AQP3: variants seen among roughly 807,000 people sequenced by gnomAD.
AQP3 encodes aquaporin 3 (Gill blood group), also known as aquaporin-3.
AQP3 carries 15 observed loss-of-function variants against 30.3 expected under a neutral mutation model. That is an observed-to-expected ratio of 0.49 (90% CI 0.33 to 0.76). AQP3 has a LOEUF of 0.76. Ranked by LOEUF, AQP3 falls within the 30% of genes least tolerant of loss-of-function variation. The probability of loss-of-function intolerance (pLI) is 0.02; values close to 1 mark genes in which losing one functional copy is unlikely to be tolerated. For synonymous variants in AQP3, 153 were observed against 163.2 expected, an observed-to-expected ratio of 0.94 and a Z score of 0.47; for missense variants, 272 against 384.8, an observed-to-expected ratio of 0.71 and a Z score of 2.45.
intron 1 of AQP3, 72 bp downstream of exon 1, chr9:33,447,351 C>T: frequency 7.3e-7 from 1 of 1,364,924 alleles, no homozygotes; most frequent in Non-Finnish European, 1.0e-6. Flanking sequence ...AACACAGCCC[C>T]TTCGGGGAAG....
chr9:33,444,012 G>T, intron 1 of AQP3, 120 bp from the exon 2 acceptor site: 1 of 1,312,516 alleles, frequency 7.6e-7, no homozygotes, highest in Non-Finnish European at 1.0e-6. Context: ...GCGCTTCCTG[G>T]AACCCAGCCC....
At position 33,443,620 on chromosome 9, in the gene AQP3, G is replaced by T; in HGVS notation, c.235+146C>A. ...TCTGATTCCAAGGTGAGAGTCGAAA[G>T]TTCTAAGTGTCAAGTTTCTTCTCCA... On this transcript the variant is annotated intron_variant, in intron 2 of 5. Coordinates refer to ENST00000297991, the MANE Select transcript of AQP3 (RefSeq NM_004925.5). The surrounding 1 kb of genome is among the most constrained non-coding windows in gnomAD (Gnocchi z 5.0). 1.4e-6 allele frequency: 2 copies of T among 1,478,566 alleles called. No homozygotes were observed. The highest frequency in any genetic ancestry group is 1.9e-6 in the Non-Finnish European group (2 of 1,078,972). 91.6% of individuals were successfully genotyped at this position (1,478,566 alleles called of 1,614,324 possible). A position where few individuals can be genotyped will look rare whatever the true frequency, so the allele number is the denominator to read the frequency against.
intron 1 of AQP3, among the ~76,000 whole-genome samples, chr9:33,446,759 G>A (rs1449365018): frequency 1.3e-5 from 2 of 152,164 alleles, no homozygotes; most frequent in Non-Finnish European, 1.5e-5. Flanking sequence ...CATCTGTCTG[G>A]ATAACAGACA....
Position 33,447,497 on chromosome 9 carries a change from C to T in AQP3, c.34G>A (p.Gly12Arg), listed in dbSNP as rs773909054. 1 of 1,609,542 alleles carries T rather than the reference C, an allele frequency of 6.2e-7. No homozygotes were observed. The highest frequency in any genetic ancestry group is 2.2e-5 in the East Asian group (1 of 44,742). Residue 12 changes from glycine (G) to arginine (R), a missense_variant, in exon 1 of 6, where the codon GGG becomes AGG. Transcript: ENST00000297991. ...CGGTAGCGGATGTGGAGCATCTCCC[C>T]GCAGCGGGACACCAGCTCCTTCTGT... ...GRQKELVSRC[G>R]EMLHIRYRLL...
chr9:33,444,614 AAG>A (rs1205513398), intron 1 of AQP3, among the ~76,000 whole-genome samples: 130 of 151,572 alleles, frequency 8.6e-4, no homozygotes, highest in African/African-American at 3.0e-3. Flanking sequence ...AAAAAAAAAA[AAG>A]AGTTGAAAAG....
chr9:33,443,654 T>C lies in AQP3; in HGVS notation c.235+112A>G. 1 of 1,556,042 alleles carries C rather than the reference T, an allele frequency of 6.4e-7. No homozygotes were observed. Among genetic ancestry groups the C allele is most frequent in the Non-Finnish European group, 8.8e-7 (1 of 1,135,102 alleles). On this transcript the variant is annotated intron_variant, in intron 2 of 5. Transcript: ENST00000297991. The surrounding 1 kb of genome is among the most constrained non-coding windows in gnomAD (Gnocchi z 5.0). The stretch of plus-strand genomic sequence containing the variant: ...GTCAAGTTTCTTCTCCACCCTCCTT[T>C]CCCAAGGGGCCAAAGCAGAGGCCAC...
chr9:33,443,645 AC>A lies in AQP3; in HGVS notation c.235+120del. On this transcript the variant is annotated intron_variant, in intron 2 of 5. Transcript: ENST00000297991. This position sits in a 1 kb window ranked among gnomAD's most constrained non-coding sequence, Gnocchi z 5.0. ...GTTCTAAGTGTCAAGTTTCTTCTCCACCCTCCTTTCCCAAGGGGCCAAAGCA... is the reference window on the plus strand; with the variant it reads ...GTTCTAAGTGTCAAGTTTCTTCTCCACCTCCTTTCCCAAGGGGCCAAAGCA... 6.5e-7 allele frequency: 1 copy of A among 1,532,250 alleles called. No individual in the cohort carries two copies. Among genetic ancestry groups the A allele is most frequent in the East Asian group, 2.3e-5 (1 of 43,832 alleles). 94.9% of individuals were successfully genotyped at this position (1,532,250 alleles called of 1,614,324 possible).
chr9:33,442,813 C>T (rs777438913), intron 4 of AQP3, 39 bp downstream of exon 4: 3 of 1,585,912 alleles, frequency 1.9e-6, no homozygotes, highest in African/African-American at 2.7e-5. Context: ...GCAACTCGGT[C>T]CCCTCCCTGC....
At position 33,443,505 on chromosome 9, in the gene AQP3, C is replaced by T. The variant is rs764728106; in HGVS notation, c.236-47G>A. The T allele has an allele frequency of 1.2e-5, 19 of 1,597,016 alleles. No homozygotes were observed. In the East Asian group the frequency reaches 2.5e-4, roughly 21 times the overall value. On this transcript the variant is annotated intron_variant, in intron 2 of 5. Coordinates refer to ENST00000297991, the MANE Select transcript of AQP3 (RefSeq NM_004925.5). The surrounding 1 kb of genome is among the most constrained non-coding windows in gnomAD (Gnocchi z 5.0). ...CCTATTAGCTGCAGCCTGCCACAGT[C>T]GGCAGGCTAGGGTCCCCTGAGAAGG...
chr9:33,442,865 C>A lies in AQP3; in HGVS notation c.479G>T (p.Gly160Val). 6.2e-7 allele frequency: 1 copy of A among 1,613,986 alleles called. No individual in the cohort carries two copies. The change falls in exon 4 of 6, where the codon GGC becomes GTC. Residue 160 changes from glycine (G) to valine (V), a missense_variant. Around this residue, in one of 3 missense-constraint regions of AQP3, gnomAD observed 170 missense variants for 286.4 expected, o/e 0.59. Transcript: ENST00000297991. ...YPSGHLDMIN[G>V]FFDQFIGTAS... ...CCCAGCCCATACCTGGTCAAAGAAG[C>A]CATTGATCATATCCAAGTGTCCAGA...
chr9:33,447,355 G>A (rs549331351), intron 1 of AQP3, 68 bp downstream of exon 1: 3 of 1,374,228 alleles, frequency 2.2e-6, no homozygotes, highest in Non-Finnish European at 3.0e-6. Context: ...CAGCCCCTTC[G>A]GGGAAGTGAG....
At chr9:33,447,362 T>G in intron 1 of AQP3, 61 bp downstream of exon 1, 147 of 1,399,900 alleles carry the variant, frequency 1.1e-4, no homozygotes, top group Middle Eastern at 1.7e-4. Context: ...TTCGGGGAAG[T>G]GAGAGTTTGG....
In AQP3 at chr9:33,447,563, A is replaced by C. The variant is rs750110667; in HGVS notation, c.-33T>G. ...CAGGCGGCGGCGCTGTCGGGCGGGC[A>C]GGGGTGGCGGGAGGCGGTGGCGCAG... On this transcript the variant is annotated 5_prime_UTR_variant, in exon 1 of 6. Transcript: ENST00000297991. 7 of 1,524,726 alleles carry C rather than the reference A, an allele frequency of 4.6e-6. No homozygotes were observed. Among genetic ancestry groups the C allele is most frequent in the African/African-American group, 1.4e-5 (1 of 72,758 alleles). The allele number at this position is 1,524,726 out of a possible 1,614,324, so 94.4% of individuals were successfully genotyped here.
Position 33,441,529 on chromosome 9 carries a change from C to A in AQP3, c.*514G>T, listed in dbSNP as rs10971513. The A allele has an allele frequency of 0.019, 3,227 of 171,298 alleles. 109 individuals are homozygous for A. The highest frequency in any genetic ancestry group is 0.073 in the African/African-American group (3,075 of 42,332). The allele number at this position is 171,298 out of a possible 1,614,324, so 10.6% of individuals were successfully genotyped here. A position where few individuals can be genotyped will look rare whatever the true frequency, so the allele number is the denominator to read the frequency against. ...ACTTAGAAAAAAAGGCAGACATACA[C>A]ATACACAGAAACACATATCTATCTG... On this transcript the variant is annotated 3_prime_UTR_variant, in exon 6 of 6. Coordinates refer to ENST00000297991, the MANE Select transcript of AQP3 (RefSeq NM_004925.5).
In AQP3 at chr9:33,442,837, G is replaced by A. The variant is rs56226536; in HGVS notation, c.492+15C>T. 8.7e-5 allele frequency: 140 copies of A among 1,610,246 alleles called. 1 individual carries two copies. The African/African-American group carries it at 1.2e-3, about 14-fold the overall frequency. On this transcript the variant is annotated intron_variant, in intron 4 of 5. Transcript: ENST00000297991. ...TCCCCTCCCTGCGTTCCCCTCACAC[G>A]TCCCCAGCCCATACCTGGTCAAAGA...
In AQP3 at chr9:33,443,693, C is replaced by G. The variant is rs1392616383; in HGVS notation, c.235+73G>C. The G allele has an allele frequency of 6.2e-7, 1 of 1,607,652 alleles. No individual in the cohort carries two copies. The highest frequency in any genetic ancestry group is 8.5e-7 in the Non-Finnish European group (1 of 1,175,594). ...AGCAGAGGCCACAGCTGTGACCTGC[C>G]CTTAGGAATGCCAGGACACCTAGTG... On this transcript the variant is annotated intron_variant, in intron 2 of 5. Transcript: ENST00000297991. The surrounding 1 kb of genome is among the most constrained non-coding windows in gnomAD (Gnocchi z 5.0).
In AQP3 at chr9:33,442,218, G is replaced by T. The variant is rs1292639191; in HGVS notation, c.711-7C>A. ...CCACCAATGCTGGCCGGTCCTGGGG[G>T]GACAGACACTCATAGTCAGGGACAT... On this transcript the variant is annotated splice_polypyrimidine_tract_variant and splice_region_variant and intron_variant, in intron 5 of 5. Coordinates refer to ENST00000297991, the MANE Select transcript of AQP3 (RefSeq NM_004925.5). 3.7e-6 allele frequency: 6 copies of T among 1,612,336 alleles called. No individual in the cohort carries two copies. The East Asian group carries it at 1.3e-4, about 36-fold the overall frequency.
chr9:33,441,795 T>G lies in AQP3; in HGVS notation c.*248A>C. On this transcript the variant is annotated 3_prime_UTR_variant, in exon 6 of 6. Transcript: ENST00000297991. ...CATACCTGCTGCCCATTCTCTTCCC[T>G]TGGGAGACAAAAGGATGTATTGACC... 1.6e-6 allele frequency: 1 copy of G among 614,798 alleles called. No individual in the cohort carries two copies. The highest frequency in any genetic ancestry group is 2.9e-6 in the Non-Finnish European group (1 of 347,508). 38.1% of individuals were successfully genotyped at this position (614,798 alleles called of 1,614,324 possible). A position where few individuals can be genotyped will look rare whatever the true frequency, so the allele number is the denominator to read the frequency against.
rs780973865 is a variant in AQP3 at position 33,447,548 on chromosome 9, C to G, written c.-18G>C. 1.6e-5 allele frequency: 25 copies of G among 1,572,256 alleles called. No individual in the cohort carries two copies. The South Asian group carries it at 2.9e-4, about 18-fold the overall frequency. On this transcript the variant is annotated 5_prime_UTR_variant, in exon 1 of 6. Coordinates refer to ENST00000297991, the MANE Select transcript of AQP3 (RefSeq NM_004925.5). ...CGACCCATGGCGGGGCAGGCGGCGG[C>G]GCTGTCGGGCGGGCAGGGGTGGCGG...
Sources: gnomAD v4.1 joint callset for allele counts (sites outside exome capture counted in the v4.1 genomes callset) on GRCh38, gnomAD v4.1.1 for gene constraint, gnomAD v4.1.1 regional missense constraint, Gnocchi (gnomAD v3.1) non-coding constraint, MANE v1.5 for transcripts, NCBI Gene and HGNC (gene_info 2026-07-23, HGNC 2026-07-21) for gene names.